Variants in RNF216 observed in about 807,000 individuals in gnomAD.
The protein encoded by RNF216 is ring finger protein 216.
Under a neutral mutation model 110.8 loss-of-function variants are expected in RNF216, and 72 were observed. That is an observed-to-expected ratio of 0.65 (90% CI 0.54 to 0.79). RNF216 has a LOEUF of 0.79. Among genes scored for constraint, RNF216 ranks in the 30% least tolerant of loss-of-function variants. The pLI, the probability that RNF216 is intolerant of heterozygous loss-of-function variation, is 0.00. For synonymous variants in RNF216, 495 were observed against 407.5 expected (o/e 1.21, Z -2.59); for missense variants, 1,342 against 1,141.2 (o/e 1.18, Z -2.54).
At chr7:5,640,828 C>A (rs1326344919) in intron 15 of RNF216, among the ~76,000 whole-genome samples, 1 of 152,162 alleles carries the variant, frequency 6.6e-6, no homozygotes, top group African/African-American at 2.4e-5. Context: ...CTCCGTCAGG[C>A]TTTGGAATCA....
At chr7:5,639,680 G>A (rs1173055778) in intron 15 of RNF216, among the ~76,000 whole-genome samples, 1 of 151,800 alleles carries the variant, frequency 6.6e-6, no homozygotes, top group Non-Finnish European at 1.5e-5. Flanking sequence ...GGCTGGTCTT[G>A]AACTCCTGAC....
At chr7:5,632,122 G>C (rs185547044) in intron 15 of RNF216, among the ~76,000 whole-genome samples, 56 of 152,330 alleles carry the variant, frequency 3.7e-4, no homozygotes, top group African/African-American at 1.2e-3. Context: ...GGCTCACCCT[G>C]GACAGCGGTC....
At chr7:5,753,388 A>T (rs1795435132) in intron 2 of RNF216, among the ~76,000 whole-genome samples, 1 of 152,150 alleles carries the variant, frequency 6.6e-6, no homozygotes, top group Non-Finnish European at 1.5e-5. Context: ...AAAATAGTAA[A>T]ATTTTAATTG....
intron 1 of RNF216, 76 bp downstream of exon 1, chr7:5,781,465 A>C (rs1797088782): frequency 6.9e-6 from 1 of 144,856 alleles, no homozygotes; most frequent in Non-Finnish European, 1.5e-5. Flanking sequence ...AGCTCCACAG[A>C]GGCGCCCCTC....
chr7:5,766,481 G>A (rs1000909924), intron 1 of RNF216, among the ~76,000 whole-genome samples: 3 of 151,788 alleles, frequency 2.0e-5, no homozygotes, highest in Non-Finnish European at 4.4e-5. Context: ...CCTCATGATG[G>A]CTGGGCACTC....
intron 13 of RNF216, among the ~76,000 whole-genome samples, chr7:5,652,752 T>C (rs892507257): frequency 6.6e-6 from 1 of 152,070 alleles, no homozygotes. Context: ...GGCCAGGAGT[T>C]TGAGACCAGC....
rs1421168191 is a variant in RNF216 at position 5,623,004 on chromosome 7, G to C, written c.2628C>G (p.Phe876Leu). 3 of 1,613,996 alleles carry C rather than the reference G, an allele frequency of 1.9e-6. No individual in the cohort carries two copies. In the East Asian group the frequency reaches 6.7e-5, roughly 36 times the overall value. The change falls in exon 17 of 17, where the codon TTC (phenylalanine) becomes TTG (leucine). Residue 876 changes from phenylalanine (F) to leucine (L), a missense_variant. Phe to Leu is a conservative substitution (Grantham distance 22). Coordinates refer to ENST00000389902, the MANE Select transcript of RNF216 (RefSeq NM_207111.4). ...CTGGGATAGGCCCCATGTTGAGTGGGAAGTTGTTGAACACAGGCCGCACGG... is the reference window on the plus strand; with the variant it reads ...CTGGGATAGGCCCCATGTTGAGTGGCAAGTTGTTGAACACAGGCCGCACGG... ...LPPVRPVFNN[F>L]PLNMGPIPAP... is the part of the protein sequence containing the mutation.
At chr7:5,667,435 T>C (rs1309268200) in intron 13 of RNF216, among the ~76,000 whole-genome samples, 21 of 152,208 alleles carry the variant, frequency 1.4e-4, no homozygotes, top group Admixed American at 1.4e-3. Context: ...TGCCAGGAAC[T>C]GAAAACCAGC....
chr7:5,666,412 C>T (rs1007999388), intron 13 of RNF216, among the ~76,000 whole-genome samples: 2 of 151,956 alleles, frequency 1.3e-5, no homozygotes, highest in Non-Finnish European at 2.9e-5. Flanking sequence ...TTAAGAAAGG[C>T]GAGGGAGAGA....
At chr7:5,701,445 C>T (rs1283501496) in intron 13 of RNF216, among the ~76,000 whole-genome samples, 1 of 152,224 alleles carries the variant, frequency 6.6e-6, no homozygotes, top group African/African-American at 2.4e-5. Flanking sequence ...CGCACATCTG[C>T]ACACACCATC....
At chr7:5,633,765 C>G (rs1180295721) in intron 15 of RNF216, among the ~76,000 whole-genome samples, 1 of 152,154 alleles carries the variant, frequency 6.6e-6, no homozygotes, top group Non-Finnish European at 1.5e-5. Context: ...GAAGACGCAG[C>G]AAGAGCTTGT....
chr7:5,626,400 A>C (rs1422660710), intron 15 of RNF216, among the ~76,000 whole-genome samples: 1 of 151,060 alleles, frequency 6.6e-6, no homozygotes, highest in Admixed American at 6.7e-5. Context: ...TGGCAGGCCT[A>C]AGAAAAAAGA....
intron 3 of RNF216, among the ~76,000 whole-genome samples, chr7:5,747,628 G>C (rs1227404536): frequency 4.0e-5 from 6 of 151,494 alleles, no homozygotes; most frequent in Non-Finnish European, 8.8e-5. Flanking sequence ...GCACACACCT[G>C]TAATCCTAGC....
chr7:5,740,540 A>T (rs943696953), intron 4 of RNF216, among the ~76,000 whole-genome samples: 14 of 152,206 alleles, frequency 9.2e-5, no homozygotes, highest in South Asian at 4.1e-4. Context: ...TAAGGTTAAG[A>T]TGTGACTGAT....
chr7:5,727,242 T>C (rs1039994563), intron 7 of RNF216, among the ~76,000 whole-genome samples: 5 of 152,246 alleles, frequency 3.3e-5, no homozygotes, highest in Non-Finnish European at 7.3e-5. Context: ...CTTCTTCCCC[T>C]CTTTGTAGAG....
rs112894405 is a variant in RNF216 at position 5,701,117 on chromosome 7, T to G, written c.2061+10644A>C. ...GAGTGGGAGCACACACACGACAGCC[T>G]CCCCCAGCACGTGGCTCTCCCCAGG... On this transcript the variant is annotated intron_variant, in intron 13 of 16. Coordinates refer to ENST00000389902, the MANE Select transcript of RNF216 (RefSeq NM_207111.4). Among the ~76,000 whole-genome samples, 290 of 152,086 alleles carry G rather than the reference T, an allele frequency of 1.9e-3. 3 individuals are homozygous for G. The highest frequency in any genetic ancestry group is 6.3e-3 in the African/African-American group (262 of 41,478).
At chr7:5,675,574 C>T (rs931254253) in intron 13 of RNF216, among the ~76,000 whole-genome samples, 2 of 152,008 alleles carry the variant, frequency 1.3e-5, no homozygotes, top group African/African-American at 2.4e-5. Flanking sequence ...CCCAGGAGGT[C>T]GGGCTGCAGT....
intron 13 of RNF216, among the ~76,000 whole-genome samples, chr7:5,679,501 A>AAGCCTCTC (rs1790518205): frequency 6.6e-6 from 1 of 152,238 alleles, no homozygotes; most frequent in African/African-American, 2.4e-5. Flanking sequence ...GAATGCGGTG[A>AAGCCTCTC]AGCCTCTCAG....
At chr7:5,667,203 C>CTAGGGCACATTCCATGTG (rs1789586343) in intron 13 of RNF216, among the ~76,000 whole-genome samples, 1 of 152,174 alleles carries the variant, frequency 6.6e-6, no homozygotes, top group African/African-American at 2.4e-5. Flanking sequence ...AACAAAAATA[C>CTAGGGCACATTCCATGTG]TAGGGCACAT....
Sources: gnomAD v4.1 joint callset for allele counts (sites outside exome capture counted in the v4.1 genomes callset) on GRCh38, gnomAD v4.1.1 for gene constraint, MANE v1.5 for transcripts, NCBI Gene and HGNC (gene_info 2026-07-23, HGNC 2026-07-21) for gene names.